The following KLHDC4 variants were observed in gnomAD, a reference collection of about 807,000 sequenced individuals.
The protein encoded by KLHDC4 is kelch domain containing 4, also known as kelch domain-containing protein 4.
KLHDC4 carries 90 observed loss-of-function variants against 62.4 expected under a neutral mutation model. That is an observed-to-expected ratio of 1.44 (90% CI 1.22 to 1.72). The LOEUF is 1.72. Among genes scored for constraint, KLHDC4 ranks in the 40% most tolerant of loss-of-function variants. KLHDC4 has a pLI of 0.00. For missense variants in KLHDC4, 1,025 were observed against 699.7 expected (o/e 1.47, Z -5.25); for synonymous variants, 386 against 284.4 (o/e 1.36, Z -3.59).
chr16:87,717,337 T>C (rs2142986328), intron 7 of KLHDC4, among the ~76,000 whole-genome samples: 1 of 152,364 alleles, frequency 6.6e-6, no homozygotes. Flanking sequence ...GAAATATTTG[T>C]TTATGGTTAT....
Position 87,730,574 on chromosome 16 carries a change from C to T in KLHDC4, c.577G>A (p.Gly193Ser). 6 of 1,612,762 alleles carry T rather than the reference C, an allele frequency of 3.7e-6. No individual in the cohort carries two copies. The highest frequency in any genetic ancestry group is 5.1e-6 in the Non-Finnish European group (6 of 1,179,704). The change falls in exon 6 of 12, where the codon GGT (glycine) becomes AGT (serine). Residue 193 changes from glycine to serine, a missense_variant. Physicochemically the swap from Gly to Ser is moderately conservative, Grantham distance 56 (BLOSUM62 0). Coordinates refer to ENST00000270583, the MANE Select transcript of KLHDC4 (RefSeq NM_017566.4). Reference protein sequence around the residue: ...VAWKRQLILFGGFHESTRDYI... With the variant: ...VAWKRQLILFSGFHESTRDYI... ...AACCGTGTACTTTCATGGAAGCCACCAAACAGGATCAATTGTCTCTTCCAG... is the reference window on the plus strand; with the variant it reads ...AACCGTGTACTTTCATGGAAGCCACTAAACAGGATCAATTGTCTCTTCCAG...
intron 2 of KLHDC4, among the ~76,000 whole-genome samples, chr16:87,759,766 C>G (rs1222552143): frequency 3.3e-5 from 5 of 152,166 alleles, no homozygotes; most frequent in Admixed American, 6.5e-5. Context: ...GAGTGTTTCC[C>G]AAATTCCTCT....
exon 1 of KLHDC4, chr16:87,699,260 C>T (rs2034031511): frequency 6.6e-6 from 1 of 152,222 alleles, no homozygotes; most frequent in Non-Finnish European, 1.5e-5. Context: ...CAGAATGTGC[C>T]TGGATAATTT....
intron 5 of KLHDC4, chr16:87,739,716 G>A (rs1289892510): frequency 6.6e-6 from 1 of 152,588 alleles, no homozygotes; most frequent in South Asian, 2.1e-4. Flanking sequence ...AGCAGGACAC[G>A]TCCTGACAGC....
chr16:87,711,579 G>A, intron 8 of KLHDC4, 136 bp from the exon 9 acceptor site: 1 of 676,880 alleles, frequency 1.5e-6, no homozygotes, highest in East Asian at 2.7e-5. Flanking sequence ...CAAAAACTCT[G>A]CTCCCTCTGC....
exon 1 of KLHDC4, chr16:87,702,073 T>C (rs764246247): frequency 2.2e-6 from 1 of 454,204 alleles, no homozygotes; most frequent in South Asian, 1.6e-5. Context: ...CTGTGAGAAC[T>C]TGTGACCCCC....
At chr16:87,711,871 C>A (rs1441937993) in intron 8 of KLHDC4, among the ~76,000 whole-genome samples, 1 of 149,886 alleles carries the variant, frequency 6.7e-6, no homozygotes, top group Non-Finnish European at 1.5e-5. Context: ...TGCACGGGGA[C>A]CCTCCACCCT....
At chr16:87,719,670 T>TA (rs771590646) in intron 7 of KLHDC4, among the ~76,000 whole-genome samples, 5,363 of 131,842 alleles carry the variant, frequency 0.041, 182 homozygotes, top group African/African-American at 0.093. Flanking sequence ...CAATAAATAC[T>TA]AAAAAAAAAA....
intron 7 of KLHDC4, among the ~76,000 whole-genome samples, chr16:87,721,909 A>G (rs1354199895): frequency 1.3e-5 from 2 of 151,784 alleles, no homozygotes; most frequent in Admixed American, 6.6e-5. Flanking sequence ...TGTCCATGGA[A>G]ACAGACCACT....
intron 5 of KLHDC4, among the ~76,000 whole-genome samples, chr16:87,734,209 G>A (rs189181544): frequency 2.6e-4 from 40 of 152,188 alleles, no homozygotes; most frequent in African/African-American, 7.2e-4. Context: ...GCTTGGCGTC[G>A]TGGAGGCACC....
At chr16:87,722,745 T>C (rs1014258650) in intron 7 of KLHDC4, among the ~76,000 whole-genome samples, 3 of 152,258 alleles carry the variant, frequency 2.0e-5, no homozygotes, top group Non-Finnish European at 2.9e-5. Context: ...AGACCTGGCC[T>C]GGCTTGCATC....
chr16:87,748,604 G>A, intron 5 of KLHDC4, 69 bp downstream of exon 5: 4 of 1,589,962 alleles, frequency 2.5e-6, no homozygotes, highest in Non-Finnish European at 3.4e-6. Flanking sequence ...TCTGCTCCGA[G>A]CACTCGGGCT....
intron 1 of KLHDC4, chr16:87,765,010 A>G: frequency 2.4e-6 from 1 of 415,220 alleles, no homozygotes; most frequent in South Asian, 1.7e-5. Flanking sequence ...ATACCACTTC[A>G]TGGTTCACCT....
chr16:87,705,410 C>T (rs879112361), downstream of KLHDC4, among the ~76,000 whole-genome samples: 15 of 152,358 alleles, frequency 9.8e-5, 1 homozygote, highest in South Asian at 6.2e-4. Context: ...TCATCACGGC[C>T]GTGACAGCCA....
chr16:87,732,805 G>A (rs1450626285), intron 5 of KLHDC4, among the ~76,000 whole-genome samples: 1 of 151,526 alleles, frequency 6.6e-6, no homozygotes, highest in African/African-American at 2.4e-5. Context: ...TCCTATCCCA[G>A]CTTCTACAGG....
intron 7 of KLHDC4, among the ~76,000 whole-genome samples, chr16:87,716,142 T>C (rs1392646738): frequency 2.7e-5 from 4 of 149,940 alleles, no homozygotes; most frequent in Admixed American, 6.6e-5. Context: ...GATATTTATG[T>C]AGACTTTGGG....
chr16:87,765,793 T>C lies in KLHDC4; in HGVS notation c.98A>G (p.Glu33Gly), dbSNP rs1331933124. The change falls in exon 1 of 12, where the codon GAG becomes GGG. Residue 33 changes from glutamate (E) to glycine (G), a missense_variant and splice_region_variant. By Grantham distance (98) the Glu-to-Gly change is moderately conservative. Transcript: ENST00000270583. Reference protein sequence around the residue: ...KKVSKRSRKEEEDLEALIAHF... With the variant: ...KKVSKRSRKEGEDLEALIAHF... ...CTAAGCCCGGTCTGACCCGCTCACC[T>C]CCTCCTTCCGCGAGCGCTTAGACAC... The C allele has an allele frequency of 6.4e-7, 1 of 1,570,694 alleles. No individual in the cohort carries two copies.
intron 8 of KLHDC4, among the ~76,000 whole-genome samples, chr16:87,714,155 T>A (rs1283965610): frequency 6.6e-6 from 1 of 152,184 alleles, no homozygotes; most frequent in African/African-American, 2.4e-5. Context: ...AGGCCCAGGA[T>A]GGTTCTCCCT....
intron 4 of KLHDC4, among the ~76,000 whole-genome samples, chr16:87,749,492 T>A (rs1044832355): frequency 7.2e-6 from 1 of 139,334 alleles, no homozygotes; most frequent in African/African-American, 2.7e-5. Flanking sequence ...AGGTGGAGGG[T>A]GCAGTGAGCC....
Sources: allele counts gnomAD v4.1 joint callset (sites outside exome capture counted in the v4.1 genomes callset), GRCh38; gene constraint gnomAD v4.1.1; transcripts MANE v1.5; gene names NCBI Gene and HGNC (gene_info 2026-07-23, HGNC 2026-07-21).